TRAF3: variants seen among roughly 807,000 people sequenced by gnomAD.
TRAF3 encodes the protein TNF receptor associated factor 3.
A neutral mutation model predicts 62.3 loss-of-function variants in TRAF3; 13 were observed. The observed-to-expected ratio is 0.21, with a 90% CI of 0.14 to 0.33. The LOEUF (loss-of-function observed/expected upper bound fraction) is 0.33, where lower values mean the gene tolerates loss of function less well. Among genes scored for constraint, TRAF3 ranks in the 10% least tolerant of loss-of-function variants. TRAF3 has a pLI of 1.00. For synonymous variants in TRAF3, 269 were observed against 283.4 expected (o/e 0.95, Z 0.51); for missense variants, 440 against 741.8 (o/e 0.59, Z 4.73).
At chr14:102,847,315 C>CA (rs1288918260) in intron 2 of TRAF3, among the ~76,000 whole-genome samples, 3 of 152,174 alleles carry the variant, frequency 2.0e-5, no homozygotes, top group South Asian at 2.1e-4. Flanking sequence ...GCTGGGATTA[C>CA]AGGTGTGTGC....
At chr14:102,824,408 G>T (rs1388998590) in intron 1 of TRAF3, among the ~76,000 whole-genome samples, 2 of 152,220 alleles carry the variant, frequency 1.3e-5, no homozygotes, top group African/African-American at 2.4e-5. Context: ...AATAAATTTT[G>T]TGTGTATTTT....
intron 10 of TRAF3, among the ~76,000 whole-genome samples, chr14:102,901,854 A>AG (rs1247896094): frequency 6.6e-6 from 1 of 152,266 alleles, no homozygotes; most frequent in African/African-American, 2.4e-5. Context: ...AAGTGAATTC[A>AG]GGGGGCCCTG....
At chr14:102,809,528 ACT>A (rs1898993030) in intron 1 of TRAF3, among the ~76,000 whole-genome samples, 1 of 134,170 alleles carries the variant, frequency 7.5e-6, no homozygotes, top group Non-Finnish European at 1.6e-5. Context: ...CACAGCATAG[ACT>A]TTTTTTTTTT....
chr14:102,896,591 G>A (rs1248293728), intron 9 of TRAF3, among the ~76,000 whole-genome samples: 8 of 152,156 alleles, frequency 5.3e-5, no homozygotes, highest in African/African-American at 1.9e-4. Flanking sequence ...ATAAGCATCT[G>A]TTTCTTACTA....
chr14:102,910,619 C>T lies in TRAF3; in HGVS notation c.*4835C>T, dbSNP rs1274489035. 2 of 152,344 alleles carry T rather than the reference C, an allele frequency of 1.3e-5. No homozygotes were observed. The highest frequency in any genetic ancestry group is 6.5e-5 in the Admixed American group (1 of 15,288). 9.4% of individuals were successfully genotyped at this position (152,344 alleles called of 1,614,324 possible). A position where few individuals can be genotyped will look rare whatever the true frequency, so the allele number is the denominator to read the frequency against. On this transcript the variant is annotated 3_prime_UTR_variant, in exon 12 of 12. Coordinates refer to ENST00000392745, the MANE Select transcript of TRAF3 (RefSeq NM_145725.3). ...AGCTCACTGCAAGGGCATTTTCCAC[C>T]TGATCCTGGTGTGCCCCACATGCGG... is the stretch of plus-strand genomic sequence containing the variant.
At chr14:102,820,828 C>G (rs906370625) in intron 1 of TRAF3, among the ~76,000 whole-genome samples, 4 of 150,840 alleles carry the variant, frequency 2.7e-5, no homozygotes, top group Admixed American at 2.0e-4. Flanking sequence ...GAGACAGGGT[C>G]TCACTATGTT....
chr14:102,787,635 C>T (rs1440580054), intron 1 of TRAF3, among the ~76,000 whole-genome samples: 8 of 151,938 alleles, frequency 5.3e-5, no homozygotes, highest in African/African-American at 1.7e-4. Flanking sequence ...TGCAGTGAGC[C>T]GAGATGGCGC....
At chr14:102,795,619 T>TGTGTGCGC (rs767401587) in intron 1 of TRAF3, among the ~76,000 whole-genome samples, 1 of 151,966 alleles carries the variant, frequency 6.6e-6, no homozygotes, top group African/African-American at 2.4e-5. Flanking sequence ...TGTGTGTGTG[T>TGTGTGCGC]GCATAGTTTT....
At chr14:102,848,290 G>C (rs1395716178) in intron 2 of TRAF3, among the ~76,000 whole-genome samples, 1 of 152,146 alleles carries the variant, frequency 6.6e-6, no homozygotes, top group Non-Finnish European at 1.5e-5. Flanking sequence ...TTAACTGGGG[G>C]TGGTGGTGTG....
intron 10 of TRAF3, among the ~76,000 whole-genome samples, chr14:102,902,599 G>T (rs1358403254): frequency 6.6e-6 from 1 of 152,240 alleles, no homozygotes; most frequent in Non-Finnish European, 1.5e-5. Context: ...CAGGGGTGAG[G>T]CCTCTCTGGG....
intron 1 of TRAF3, among the ~76,000 whole-genome samples, chr14:102,784,945 G>A (rs1405488051): frequency 2.0e-5 from 3 of 152,168 alleles, no homozygotes; most frequent in Non-Finnish European, 4.4e-5. Flanking sequence ...TACAGGAAAA[G>A]GCACCCGGCC....
intron 1 of TRAF3, among the ~76,000 whole-genome samples, chr14:102,805,971 C>G (rs532345015): frequency 7.0e-6 from 1 of 142,010 alleles, no homozygotes. Flanking sequence ...ATGGAAAGAC[C>G]ACTGGGTCTG....
intron 1 of TRAF3, among the ~76,000 whole-genome samples, chr14:102,820,213 A>C (rs780196004): frequency 1.3e-5 from 2 of 152,088 alleles, no homozygotes; most frequent in Non-Finnish European, 2.9e-5. Flanking sequence ...CGCAGGGTCA[A>C]ATGTGTCCCT....
At chr14:102,793,748 G>C (rs911529349) in intron 1 of TRAF3, among the ~76,000 whole-genome samples, 1 of 152,218 alleles carries the variant, frequency 6.6e-6, no homozygotes, top group Non-Finnish European at 1.5e-5. Flanking sequence ...TGCCAGGACA[G>C]GAAAGAGATG....
At chr14:102,904,809 CAAAAA>C (rs36006172) in intron 11 of TRAF3, among the ~76,000 whole-genome samples, 4 of 80,012 alleles carry the variant, frequency 5.0e-5, no homozygotes, top group East Asian at 3.4e-4. Context: ...GACTCCATCT[CAAAAA>C]AAAAAAAAAA....
chr14:102,869,124 T>C (rs938982524), intron 2 of TRAF3, among the ~76,000 whole-genome samples: 4 of 152,142 alleles, frequency 2.6e-5, no homozygotes, highest in Admixed American at 1.3e-4. Flanking sequence ...CCTCACACGC[T>C]CCTCACCAGT....
chr14:102,860,769 G>T (rs72704716), intron 2 of TRAF3, among the ~76,000 whole-genome samples: 5,607 of 152,326 alleles, frequency 0.037, 154 homozygotes, highest in Non-Finnish European at 0.05. Flanking sequence ...ACAGCATTGG[G>T]CAGTTTCCAC....
At chr14:102,902,900 C>T (rs796831137) in intron 10 of TRAF3, among the ~76,000 whole-genome samples, 15 of 152,324 alleles carry the variant, frequency 9.8e-5, no homozygotes, top group African/African-American at 3.6e-4. Context: ...CTGCCTGCCC[C>T]AGAGACAGTG....
intron 2 of TRAF3, among the ~76,000 whole-genome samples, chr14:102,858,154 CTTT>C (rs59845933): frequency 1.4e-5 from 2 of 145,574 alleles, no homozygotes; most frequent in Admixed American, 6.8e-5. Context: ...CTCTGTTCTT[CTTT>C]TTTTTTTTTT....
Sources: gnomAD v4.1 joint callset for allele counts (sites outside exome capture counted in the v4.1 genomes callset) on GRCh38, gnomAD v4.1.1 for gene constraint, MANE v1.5 for transcripts, NCBI Gene and HGNC (gene_info 2026-07-23, HGNC 2026-07-21) for gene names.